The following STK32B variants were observed in gnomAD, a reference collection of about 807,000 sequenced individuals.
STK32B encodes serine/threonine kinase 32B.
A neutral mutation model predicts 52.6 loss-of-function variants in STK32B; 43 were observed. The ratio of observed to expected loss-of-function variants is 0.82; its 90% confidence interval spans 0.64 to 1.05. The LOEUF (loss-of-function observed/expected upper bound fraction) is 1.05. Ranked by LOEUF, STK32B falls within the 50% of genes least tolerant of loss-of-function variation. STK32B has a pLI of 0.00. For synonymous variants in STK32B, 238 were observed against 204.3 expected, an observed-to-expected ratio of 1.17 and a Z score of -1.41; for missense variants, 621 against 534.6, an observed-to-expected ratio of 1.16 and a Z score of -1.59.
chr4:5,141,277 G>A (rs965160254), intron 2 of STK32B, among the ~76,000 whole-genome samples: 3 of 152,174 alleles, frequency 2.0e-5, no homozygotes, highest in African/African-American at 7.2e-5. Flanking sequence ...GGACGTCCTT[G>A]ATAATAGCAT....
At chr4:5,209,263 C>G (rs1437531058) in intron 3 of STK32B, among the ~76,000 whole-genome samples, 2 of 152,180 alleles carry the variant, frequency 1.3e-5, no homozygotes, top group Non-Finnish European at 2.9e-5. Context: ...GCTCTGTCAC[C>G]TGTGCTGGAG....
intron 3 of STK32B, among the ~76,000 whole-genome samples, chr4:5,211,429 C>T (rs4688919): frequency 0.77 from 116,490 of 151,880 alleles, 46,049 homozygotes; most frequent in East Asian, 0.91. Flanking sequence ...GTATCAGGAG[C>T]CCCCAGAGGT....
At chr4:5,275,867 T>C (rs1727784490) in intron 3 of STK32B, among the ~76,000 whole-genome samples, 1 of 152,064 alleles carries the variant, frequency 6.6e-6, no homozygotes, top group South Asian at 2.1e-4. Context: ...GTAAGATTTG[T>C]AGTATTTTAA....
At chr4:5,495,981 C>T (rs758670144) in intron 11 of STK32B, among the ~76,000 whole-genome samples, 48 of 151,454 alleles carry the variant, frequency 3.2e-4, no homozygotes, top group Non-Finnish European at 6.0e-4. Context: ...TGTCAGTCTG[C>T]CCCTACTGGG....
chr4:5,321,554 G>T (rs1005860524), intron 3 of STK32B, among the ~76,000 whole-genome samples: 2 of 152,158 alleles, frequency 1.3e-5, no homozygotes, highest in Non-Finnish European at 2.9e-5. Flanking sequence ...TGAACAGTAC[G>T]TGTGCCTCTC....
intron 4 of STK32B, among the ~76,000 whole-genome samples, chr4:5,355,747 C>T (rs1734134269): frequency 6.6e-6 from 1 of 152,062 alleles, no homozygotes; most frequent in African/African-American, 2.4e-5. Context: ...GTGATATCAC[C>T]CCTGGAGGAG....
chr4:5,373,456 C>T (rs1158972118), intron 4 of STK32B, among the ~76,000 whole-genome samples: 1 of 152,206 alleles, frequency 6.6e-6, no homozygotes, highest in Non-Finnish European at 1.5e-5. Context: ...GGTAGTCAGG[C>T]AGAAAAAACT....
Position 5,500,008 on chromosome 4 carries a change from T to G in STK32B, c.*925T>G, listed in dbSNP as rs1405741752. 2.0e-5 allele frequency: 3 copies of G among 152,204 alleles called. No homozygotes were observed. In the East Asian group the frequency reaches 5.8e-4, roughly 29 times the overall value. 9.4% of individuals were successfully genotyped at this position (152,204 alleles called of 1,614,324 possible). Reference sequence around the variant, plus strand: ...CTTACAGAGAGTATCCAATCGGTATTGGTGGAGCGGCTCCCTATTTATACA... The same window carrying G: ...CTTACAGAGAGTATCCAATCGGTATGGGTGGAGCGGCTCCCTATTTATACA... On this transcript the variant is annotated 3_prime_UTR_variant, in exon 12 of 12. Coordinates refer to ENST00000282908, the MANE Select transcript of STK32B (RefSeq NM_018401.3).
At position 5,388,675 on chromosome 4, in the gene STK32B, A is replaced by G. The variant is rs369419197; in HGVS notation, c.435-9532A>G. 6.6e-5 allele frequency among the ~76,000 whole-genome samples: 10 copies of G among 152,316 alleles called. No homozygotes were observed. The East Asian group carries it at 1.2e-3, about 18-fold the overall frequency. On this transcript the variant is annotated intron_variant, in intron 4 of 11. Transcript: ENST00000282908. Reference sequence around the variant, plus strand: ...AGTGTTCTAGTTGGAAGTAGAAAGAAAGAAAACTGAGATGGGTGGGTCTGT... The same window carrying G: ...AGTGTTCTAGTTGGAAGTAGAAAGAGAGAAAACTGAGATGGGTGGGTCTGT...
chr4:5,199,554 A>G (rs763054618), intron 3 of STK32B, among the ~76,000 whole-genome samples: 9 of 151,334 alleles, frequency 5.9e-5, no homozygotes, highest in Non-Finnish European at 1.2e-4. Context: ...CCACCTTGAT[A>G]AGATTGTATT....
At chr4:5,333,192 C>G (rs1412087279) in intron 4 of STK32B, among the ~76,000 whole-genome samples, 1 of 152,134 alleles carries the variant, frequency 6.6e-6, no homozygotes, top group African/African-American at 2.4e-5. Flanking sequence ...GCCATTCTAA[C>G]TGGTGTGAGA....
chr4:5,286,265 A>C (rs112176707), intron 3 of STK32B, among the ~76,000 whole-genome samples: 1,682 of 152,316 alleles, frequency 0.011, 20 homozygotes, highest in African/African-American at 0.039. Flanking sequence ...GAGCCACAAA[A>C]CTAGACTTCT....
intron 6 of STK32B, chr4:5,438,066 C>G: frequency 1.0e-6 from 1 of 985,582 alleles, no homozygotes. Flanking sequence ...CTTGGGGCTG[C>G]CAGGCATGAC....
chr4:5,099,454 G>GTGCACGCGCACA (rs138682243), intron 1 of STK32B, among the ~76,000 whole-genome samples: 5 of 129,744 alleles, frequency 3.9e-5, no homozygotes, highest in East Asian at 2.0e-4. Context: ...GTGTGTGCGC[G>GTGCACGCGCACA]CGCGCGTATG....
At chr4:5,168,865 C>T (rs141436303) in intron 3 of STK32B, among the ~76,000 whole-genome samples, 5 of 152,280 alleles carry the variant, frequency 3.3e-5, no homozygotes, top group East Asian at 1.9e-4. Context: ...CCATCACGGA[C>T]GTACCAAATT....
At chr4:5,165,370 G>T (rs920756253) in intron 2 of STK32B, among the ~76,000 whole-genome samples, 1 of 152,074 alleles carries the variant, frequency 6.6e-6, no homozygotes, top group African/African-American at 2.4e-5. Context: ...TTTAATTTTG[G>T]AGAGTCTCTT....
the STK32B span, among the ~76,000 whole-genome samples, chr4:5,040,723 G>T: frequency 6.6e-6 from 1 of 152,078 alleles, no homozygotes; most frequent in African/African-American, 2.4e-5. Flanking sequence ...CTCCTGCCCT[G>T]TAGGCCACAC....
intron 3 of STK32B, among the ~76,000 whole-genome samples, chr4:5,304,262 T>C (rs1560300159): frequency 6.6e-6 from 1 of 152,138 alleles, no homozygotes; most frequent in Non-Finnish European, 1.5e-5. Context: ...TGTACATTGC[T>C]TTTGACAGTG....
intron 3 of STK32B, among the ~76,000 whole-genome samples, chr4:5,179,386 T>C (rs73212010): frequency 0.19 from 28,560 of 152,170 alleles, 3,376 homozygotes; most frequent in East Asian, 0.31. Context: ...CCATATCAGC[T>C]ATATCAGATA....
Sources: allele counts gnomAD v4.1 joint callset (sites outside exome capture counted in the v4.1 genomes callset), GRCh38; gene constraint gnomAD v4.1.1; transcripts MANE v1.5; gene names NCBI Gene and HGNC (gene_info 2026-07-23, HGNC 2026-07-21).